ANK1: variants seen among roughly 807,000 people sequenced by gnomAD.
The protein encoded by ANK1 is ankyrin 1.
In ANK1, 51 loss-of-function variants were observed where a neutral mutation model predicts 210.4. That is an observed-to-expected ratio of 0.24 (90% CI 0.19 to 0.31). The LOEUF (loss-of-function observed/expected upper bound fraction) is 0.31. Among genes scored for constraint, ANK1 ranks in the 10% least tolerant of loss-of-function variants. ANK1 has a pLI of 1.00. For synonymous variants in ANK1, 967 were observed against 1,025.9 expected (o/e 0.94, Z 1.10); for missense variants, 2,051 against 2,504.4 (o/e 0.82, Z 3.86).
chr8:41,664,934 C>A, intron 39 of ANK1: 1 of 1,614,260 alleles, frequency 6.2e-7, no homozygotes, highest in Non-Finnish European at 8.5e-7. Context: ...ACAGGGACCC[C>A]CTGACAATGT....
intron 1 of ANK1, among the ~76,000 whole-genome samples, chr8:41,805,708 A>C (rs1216205426): frequency 6.6e-6 from 1 of 152,244 alleles, no homozygotes. Flanking sequence ...CTGAAAAATA[A>C]CTATATTTTC....
chr8:41,875,529 T>C (rs578070942), intron 1 of ANK1, among the ~76,000 whole-genome samples: 3 of 152,348 alleles, frequency 2.0e-5, no homozygotes, highest in East Asian at 1.9e-4. Context: ...CTCTTCCCAG[T>C]GGGCAGCCCA....
At chr8:41,663,118 G>C (rs865912300) in intron 40 of ANK1, among the ~76,000 whole-genome samples, 22 of 73,666 alleles carry the variant, frequency 3.0e-4, no homozygotes, top group South Asian at 2.4e-3. Context: ...CTCTCTCTGT[G>C]TGTGTGTGTG....
chr8:41,836,920 T>TG (rs1414831025), intron 1 of ANK1, among the ~76,000 whole-genome samples: 5 of 137,626 alleles, frequency 3.6e-5, no homozygotes, highest in Admixed American at 2.1e-4. Flanking sequence ...AAGCTATCTC[T>TG]GGGGAAAAAA....
rs1335091206 is a variant in ANK1, at chr8:41,714,939, C to A, written c.1701+37G>T. ...GTCCATCCTCTGTCCTTGCCTCTAACCTGAGAGCTGCAGGGGAGGGCAGGG... is the reference window on the plus strand; with the variant it reads ...GTCCATCCTCTGTCCTTGCCTCTAAACTGAGAGCTGCAGGGGAGGGCAGGG... On this transcript the variant is annotated intron_variant, in intron 15 of 42. Coordinates refer to ENST00000289734, the MANE Select transcript of ANK1 (RefSeq NM_000037.4). The A allele has an allele frequency of 3.1e-6, 5 of 1,601,824 alleles. No homozygotes were observed. The Admixed American group carries it at 6.7e-5, about 21-fold the overall frequency.
chr8:41,725,987 CGCCA>C (rs1830600851), intron 5 of ANK1, 41 bp from the exon 6 acceptor site: 1 of 1,599,246 alleles, frequency 6.3e-7, no homozygotes, highest in South Asian at 1.1e-5. Context: ...ACTCGTCTGA[CGCCA>C]GCCGCCCTTC....
intron 1 of ANK1, among the ~76,000 whole-genome samples, chr8:41,822,211 GAGAC>G (rs1163609505): frequency 6.6e-6 from 1 of 151,988 alleles, no homozygotes; most frequent in African/African-American, 2.4e-5. Context: ...AAGAAAGAAA[GAGAC>G]AGACATCTAC....
At chr8:41,831,538 C>G (rs942140209) in intron 1 of ANK1, among the ~76,000 whole-genome samples, 1 of 151,000 alleles carries the variant, frequency 6.6e-6, no homozygotes, top group African/African-American at 2.4e-5. Flanking sequence ...GTTCCAGCTA[C>G]TCGGGAAACT....
At chr8:41,775,976 C>T (rs930733367) in intron 1 of ANK1, among the ~76,000 whole-genome samples, 1 of 152,108 alleles carries the variant, frequency 6.6e-6, no homozygotes, top group Non-Finnish European at 1.5e-5. Context: ...TCAAAACCAC[C>T]CTACGAGTTA....
intron 1 of ANK1, among the ~76,000 whole-genome samples, chr8:41,848,413 G>A (rs1275755858): frequency 1.3e-5 from 2 of 152,172 alleles, no homozygotes; most frequent in African/African-American, 2.4e-5. Flanking sequence ...AGTGGGAAGC[G>A]TGAAGCATTA....
At chr8:41,743,451 C>T (rs1835287720) in intron 2 of ANK1, among the ~76,000 whole-genome samples, 1 of 152,184 alleles carries the variant, frequency 6.6e-6, no homozygotes, top group South Asian at 2.1e-4. Context: ...TCAACCAAAA[C>T]AGAAACGAAA....
chr8:41,858,934 T>C (rs1812711208), intron 1 of ANK1, among the ~76,000 whole-genome samples: 1 of 152,186 alleles, frequency 6.6e-6, no homozygotes. Context: ...ATGGAGGGAC[T>C]CAGCTCAGGA....
chr8:41,798,824 C>T (rs529512115), upstream of ANK1, among the ~76,000 whole-genome samples: 1 of 152,170 alleles, frequency 6.6e-6, no homozygotes, highest in Non-Finnish European at 1.5e-5. Flanking sequence ...GCCTTCCTCA[C>T]GTGATGCTTG....
At position 41,828,530 on chromosome 8, in the gene ANK1, A is replaced by C. The variant is rs10092958; in HGVS notation, c.126+67825T>G. On this transcript the variant is annotated intron_variant, in intron 1 of 42. Coordinates refer to the ANK1 transcript ENST00000265709. ...AGAGGACATCACCGCCACCAGGTGG[A>C]GCGAGTCTCCTCCTCGGCGCTCCAA... 5.7e-3 allele frequency: 885 copies of C among 154,270 alleles called. 8 individuals carry two copies. Among genetic ancestry groups the C allele is most frequent in the African/African-American group, 0.02 (841 of 41,588 alleles). The allele number at this position is 154,270 out of a possible 1,614,324, so 9.6% of individuals were successfully genotyped here.
chr8:41,704,574 C>A lies in ANK1; in HGVS notation c.2098-102G>T. The A allele has an allele frequency of 9.7e-7, 1 of 1,026,856 alleles. No individual in the cohort carries two copies. The allele number at this position is 1,026,856 out of a possible 1,614,324, so 63.6% of individuals were successfully genotyped here. On this transcript the variant is annotated intron_variant, in intron 18 of 42. Coordinates refer to ENST00000289734, the MANE Select transcript of ANK1 (RefSeq NM_000037.4). This position sits in a 1 kb window ranked among gnomAD's most constrained non-coding sequence, Gnocchi z 4.1. Reference sequence around the variant, plus strand: ...ATTCAAAGAGAGAACGGACAGGGAGCCCCTTGAAGGCTGACATTGACAAGC... The same window carrying A: ...ATTCAAAGAGAGAACGGACAGGGAGACCCTTGAAGGCTGACATTGACAAGC...
chr8:41,865,728 A>G (rs1465593944), intron 1 of ANK1, among the ~76,000 whole-genome samples: 1 of 151,988 alleles, frequency 6.6e-6, no homozygotes. Flanking sequence ...TCCCCCCAGC[A>G]GTCCCAGGTA....
At chr8:41,781,002 A>T (rs1424978679) in intron 1 of ANK1, among the ~76,000 whole-genome samples, 1 of 152,128 alleles carries the variant, frequency 6.6e-6, no homozygotes, top group Non-Finnish European at 1.5e-5. Context: ...CTGGCATTTA[A>T]TTTCTAATCT....
chr8:41,655,903 G>A lies in ANK1; in HGVS notation c.*37-150C>T. On this transcript the variant is annotated intron_variant, in intron 42 of 42. Transcript: ENST00000289734. ...CCAGGCAGGGCGATGTGCTGAGGGTGCTGCACTTGCAGCCCGACTTCCTGA... is the reference window on the plus strand; with the variant it reads ...CCAGGCAGGGCGATGTGCTGAGGGTACTGCACTTGCAGCCCGACTTCCTGA... The A allele has an allele frequency of 3.4e-6, 3 of 891,834 alleles. No homozygotes were observed. In the South Asian group the frequency reaches 4.5e-5, roughly 13 times the overall value. 55.2% of individuals were successfully genotyped at this position (891,834 alleles called of 1,614,324 possible). A position where few individuals can be genotyped will look rare whatever the true frequency, so the allele number is the denominator to read the frequency against.
chr8:41,716,747 G>C (rs531916872), intron 13 of ANK1, among the ~76,000 whole-genome samples: 1 of 152,326 alleles, frequency 6.6e-6, no homozygotes, highest in East Asian at 1.9e-4. Context: ...TTATTTTAAA[G>C]AAATGTGGCT....
Sources: allele counts gnomAD v4.1 joint callset (sites outside exome capture counted in the v4.1 genomes callset), GRCh38; gene constraint gnomAD v4.1.1; non-coding constraint Gnocchi (gnomAD v3.1); transcripts MANE v1.5; gene names NCBI Gene and HGNC (gene_info 2026-07-23, HGNC 2026-07-21).